The following ZBTB6 variants were observed in gnomAD, a reference collection of about 807,000 sequenced individuals.
ZBTB6 encodes the protein zinc finger and BTB domain-containing protein 6.
In ZBTB6, 11 loss-of-function variants were observed where a neutral mutation model predicts 30.6. That is an observed-to-expected ratio of 0.36 (90% CI 0.23 to 0.60). ZBTB6 has a LOEUF of 0.60. ZBTB6 is among the 20% of genes least tolerant of loss of function. ZBTB6 has a pLI of 0.75. For synonymous variants in ZBTB6, 174 were observed against 172.0 expected (o/e 1.01, Z -0.09); for missense variants, 380 against 489.4 (o/e 0.78, Z 2.11).
intron 1 of ZBTB6, among the ~76,000 whole-genome samples, chr9:122,912,755 T>G (rs187089106): frequency 1.3e-5 from 2 of 152,318 alleles, no homozygotes; most frequent in Admixed American, 1.3e-4. Flanking sequence ...TCTTTATGGC[T>G]TTATCACCTT....
In ZBTB6 at chr9:122,912,001, A is replaced by G; in HGVS notation, c.72T>C (p.Asn24=). 6.2e-7 allele frequency: 1 copy of G among 1,614,202 alleles called. No individual in the cohort carries two copies. Among genetic ancestry groups the G allele is most frequent in the Non-Finnish European group, 8.5e-7 (1 of 1,180,038 alleles). The change falls in exon 2 of 2, where the codon AAT becomes AAC. Residue 24 remains asparagine, a synonymous_variant. Transcript: ENST00000373659. ...AAAATAAATTCTGCTGTCTCAAAAG[A>G]TTCATTTTCTGCAAGACCACATCTC... ...QQGDVVLQKM[N]LLRQQNLFCD...
In ZBTB6 at chr9:122,913,247, T is replaced by C; in HGVS notation, c.-10+4A>G. 1 of 986,194 alleles carries C rather than the reference T, an allele frequency of 1.0e-6. No homozygotes were observed. Among genetic ancestry groups the C allele is most frequent in the Non-Finnish European group, 1.2e-6 (1 of 830,050 alleles). The allele number at this position is 986,194 out of a possible 1,614,324, so 61.1% of individuals were successfully genotyped here. A position where few individuals can be genotyped will look rare whatever the true frequency, so the allele number is the denominator to read the frequency against. ...CCTGAGGAATCTACTTTGCACTCAC[T>C]CACCGACTCAGAAAACTAGAGTCAA... On this transcript the variant is annotated splice_donor_region_variant and intron_variant, in intron 1 of 1. Transcript: ENST00000373659.
At position 122,911,790 on chromosome 9, in the gene ZBTB6, C is replaced by T; in HGVS notation, c.283G>A (p.Val95Ile). Residue 95 changes from valine (V) to isoleucine (I), a missense_variant, in exon 2 of 2, where the codon GTT becomes ATT. Val to Ile is a conservative substitution (Grantham distance 29). Transcript: ENST00000373659. This position sits in a 1 kb window ranked among gnomAD's most constrained non-coding sequence, Gnocchi z 4.5. ...LLSCYTGALEVKRKELLKYLT... is the reference protein window; with the variant it reads ...LLSCYTGALEIKRKELLKYLT... ...TATTTCAAAAGCTCTTTCCTTTTAA[C>T]TTCAAGTGCTCCAGTATAGCAAGAC... The T allele has an allele frequency of 6.2e-7, 1 of 1,614,196 alleles. No individual in the cohort carries two copies. The highest frequency in any genetic ancestry group is 8.5e-7 in the Non-Finnish European group (1 of 1,180,034).
rs748359295 is a variant in ZBTB6 at position 122,911,996 on chromosome 9, A to G, written c.77T>C (p.Leu26Ser). The change falls in exon 2 of 2, where the codon TTG becomes TCG. Residue 26 changes from leucine to serine, a missense_variant. Leu to Ser is a moderately radical substitution (Grantham distance 145). Transcript: ENST00000373659. This position sits in a 1 kb window ranked among gnomAD's most constrained non-coding sequence, Gnocchi z 4.5. Reference sequence around the variant, plus strand: ...ATCACAAAATAAATTCTGCTGTCTCAAAAGATTCATTTTCTGCAAGACCAC... The same window carrying G: ...ATCACAAAATAAATTCTGCTGTCTCGAAAGATTCATTTTCTGCAAGACCAC... Reference protein sequence around the residue: ...GDVVLQKMNLLRQQNLFCDVS... With the variant: ...GDVVLQKMNLSRQQNLFCDVS... The G allele has an allele frequency of 6.2e-7, 1 of 1,614,204 alleles. No individual in the cohort carries two copies. Among genetic ancestry groups the G allele is most frequent in the South Asian group, 1.1e-5 (1 of 91,084 alleles).
rs201685399 is a variant in ZBTB6 at position 122,911,433 on chromosome 9, C to G, written c.640G>C (p.Asp214His). 15 of 1,614,034 alleles carry G rather than the reference C, an allele frequency of 9.3e-6. No homozygotes were observed. In the African/African-American group the frequency reaches 1.9e-4, roughly 20 times the overall value. ...ACATGAAGGATACAAATTTCATTGT[C>G]TTTAAAACCTATGTCTACTGTAGAC... ...ELSTVDIGFKDNEICILHVES... is the reference protein window; with the variant it reads ...ELSTVDIGFKHNEICILHVES... Residue 214 changes from aspartate (D) to histidine (H), a missense_variant, in exon 2 of 2, where the codon GAC becomes CAC. Asp to His is a moderately conservative substitution (Grantham distance 81). Coordinates refer to ENST00000373659, the MANE Select transcript of ZBTB6 (RefSeq NM_006626.6). This position sits in a 1 kb window ranked among gnomAD's most constrained non-coding sequence, Gnocchi z 4.5.
Position 122,910,966 on chromosome 9 carries a change from A to C in ZBTB6, c.1107T>G (p.Leu369=), listed in dbSNP as rs1412927299. Reference sequence around the variant, plus strand: ...CACTGTGTATGTTCAAGTGGTCCTGAAGTGTGCTTTTGGCAGTAAATGTCT... The same window carrying C: ...CACTGTGTATGTTCAAGTGGTCCTGCAGTGTGCTTTTGGCAGTAAATGTCT... ...CLKTFTAKST[L]QDHLNIHSGD... The change falls in exon 2 of 2, where the codon CTT becomes CTG. Residue 369 remains leucine, a synonymous_variant. Coordinates refer to ENST00000373659, the MANE Select transcript of ZBTB6 (RefSeq NM_006626.6). 1 of 1,614,228 alleles carries C rather than the reference A, an allele frequency of 6.2e-7. No individual in the cohort carries two copies. Among genetic ancestry groups the C allele is most frequent in the South Asian group, 1.1e-5 (1 of 91,082 alleles).
chr9:122,912,205 T>C lies in ZBTB6; in HGVS notation c.-9-124A>G, dbSNP rs1832960254. On this transcript the variant is annotated intron_variant, in intron 1 of 1. Transcript: ENST00000373659. ...AGGAAGAAGAAGACTCAAAGTCTAATGTAGGTGTTATGAACCTTTATGCCA... is the reference window on the plus strand; with the variant it reads ...AGGAAGAAGAAGACTCAAAGTCTAACGTAGGTGTTATGAACCTTTATGCCA... 5 of 980,616 alleles carry C rather than the reference T, an allele frequency of 5.1e-6. No homozygotes were observed. The South Asian group carries it at 8.5e-5, about 17-fold the overall frequency. The allele number at this position is 980,616 out of a possible 1,614,324, so 60.7% of individuals were successfully genotyped here.
rs1564331798 is a variant in ZBTB6, at chr9:122,911,359, AGGC to A, written c.711_713del (p.Gln237_Pro238delinsHis). Reference sequence around the variant, plus strand: ...ACATGCTTGCTTTTGAAGAGGTACAAGGCTGTGAAAACTGCCCATTTTCGACAC... The same window carrying A: ...ACATGCTTGCTTTTGAAGAGGTACAATGTGAAAACTGCCCATTTTCGACAC... On this transcript the variant is annotated inframe_deletion, in exon 2 of 2. Coordinates refer to ENST00000373659, the MANE Select transcript of ZBTB6 (RefSeq NM_006626.6). This position sits in a 1 kb window ranked among gnomAD's most constrained non-coding sequence, Gnocchi z 4.5. 6.2e-7 allele frequency: 1 copy of A among 1,614,160 alleles called. No homozygotes were observed. Among genetic ancestry groups the A allele is most frequent in the Admixed American group, 1.7e-5 (1 of 60,030 alleles).
intron 1 of ZBTB6, among the ~76,000 whole-genome samples, chr9:122,912,716 G>A (rs2239540): frequency 0.21 from 31,176 of 151,926 alleles, 4,463 homozygotes; most frequent in East Asian, 0.65. Flanking sequence ...GAAAGAATAC[G>A]AGACCCATCA....
intron 1 of ZBTB6, among the ~76,000 whole-genome samples, chr9:122,912,585 AT>A (rs1221344829): frequency 6.6e-6 from 1 of 152,150 alleles, no homozygotes; most frequent in East Asian, 1.9e-4. Context: ...TGTATGCCAG[AT>A]TACCCGCCTG....
In ZBTB6 at chr9:122,908,962, T is replaced by C. The variant is rs891127365; in HGVS notation, c.*1836A>G. 2.0e-5 allele frequency: 3 copies of C among 152,190 alleles called. No homozygotes were observed. Among genetic ancestry groups the C allele is most frequent in the African/African-American group, 7.2e-5 (3 of 41,464 alleles). The allele number at this position is 152,190 out of a possible 1,614,324, so 9.4% of individuals were successfully genotyped here. ...TTAGACCTGGAAATGATCTTTCAAA[T>C]GACCAAGATCAAAGTTATTTTACAT... is the stretch of plus-strand genomic sequence containing the variant. On this transcript the variant is annotated 3_prime_UTR_variant, in exon 2 of 2. Transcript: ENST00000373659.
Position 122,908,529 on chromosome 9 carries a change from C to G in ZBTB6, c.*2269G>C, listed in dbSNP as rs887288678. On this transcript the variant is annotated 3_prime_UTR_variant, in exon 2 of 2. Transcript: ENST00000373659. ...CATAAAACTTAAACATAGTTTCAAC[C>G]AATTTTTTTTCAAATATCCAAGATA... is the stretch of plus-strand genomic sequence containing the variant. 2 of 152,464 alleles carry G rather than the reference C, an allele frequency of 1.3e-5. No individual in the cohort carries two copies. The highest frequency in any genetic ancestry group is 4.8e-5 in the African/African-American group (2 of 41,382). The allele number at this position is 152,464 out of a possible 1,614,324, so 9.4% of individuals were successfully genotyped here. A position where few individuals can be genotyped will look rare whatever the true frequency, so the allele number is the denominator to read the frequency against.
Position 122,911,119 on chromosome 9 carries a change from G to T in ZBTB6, c.954C>A (p.Arg318=). Residue 318 remains arginine, a synonymous_variant, in exon 2 of 2, where the codon CGC becomes CGA. Coordinates refer to ENST00000373659, the MANE Select transcript of ZBTB6 (RefSeq NM_006626.6). This position sits in a 1 kb window ranked among gnomAD's most constrained non-coding sequence, Gnocchi z 4.5. The part of the protein sequence containing the change: ...RGFLHVENYL[R]HLKMHKLFLC... Reference sequence around the variant, plus strand: ...AGAATAGTTTATGCATTTTAAGGTGGCGCAGATAGTTTTCAACATGAAGAA... The same window carrying T: ...AGAATAGTTTATGCATTTTAAGGTGTCGCAGATAGTTTTCAACATGAAGAA... The T allele has an allele frequency of 6.2e-7, 1 of 1,614,164 alleles. No individual in the cohort carries two copies. The highest frequency in any genetic ancestry group is 8.5e-7 in the Non-Finnish European group (1 of 1,180,040).
At position 122,908,824 on chromosome 9, in the gene ZBTB6, T is replaced by G. The variant is rs935942754; in HGVS notation, c.*1974A>C. The G allele has an allele frequency of 2.0e-5, 3 of 152,078 alleles. No individual in the cohort carries two copies. The highest frequency in any genetic ancestry group is 4.4e-5 in the Non-Finnish European group (3 of 68,008). 9.4% of individuals were successfully genotyped at this position (152,078 alleles called of 1,614,324 possible). On this transcript the variant is annotated 3_prime_UTR_variant, in exon 2 of 2. Coordinates refer to ENST00000373659, the MANE Select transcript of ZBTB6 (RefSeq NM_006626.6). ...GAAAAAGATCCACTAATTAGAAAAA[T>G]TATGTCTCCAATGGAGTACTTAAGT...
rs367989848 is a variant in ZBTB6 at position 122,912,120 on chromosome 9, T to C, written c.-9-39A>G. On this transcript the variant is annotated intron_variant, in intron 1 of 1. Transcript: ENST00000373659. ...AACACAAACATTGATGTAATAAGGA[T>C]AGGGAATGCTTTCCCATGCTGTAAT... 50 of 1,547,472 alleles carry C rather than the reference T, an allele frequency of 3.2e-5. No homozygotes were observed. The South Asian group carries it at 5.8e-4, about 18-fold the overall frequency.
rs745331836 is a variant in ZBTB6 at position 122,910,943 on chromosome 9, C to A, written c.1130G>T (p.Ser377Ile). Residue 377 changes from serine to isoleucine, a missense_variant, in exon 2 of 2, where the codon AGT (serine) becomes ATT (isoleucine). By Grantham distance (142) the Ser-to-Ile change is moderately radical. Transcript: ENST00000373659. ...STLQDHLNIH[S>I]GDRPYKCHCC... is the part of the protein sequence containing the mutation. ...GTGGCATTTGTATGGCCGATCCCCA[C>A]TGTGTATGTTCAAGTGGTCCTGAAG... 6.2e-7 allele frequency: 1 copy of A among 1,614,164 alleles called. No homozygotes were observed.
chr9:122,913,309 G>A lies in ZBTB6; in HGVS notation c.-68C>T. The A allele has an allele frequency of 1.0e-6, 1 of 985,956 alleles. No homozygotes were observed. Among genetic ancestry groups the A allele is most frequent in the Non-Finnish European group, 1.2e-6 (1 of 830,002 alleles). 61.1% of individuals were successfully genotyped at this position (985,956 alleles called of 1,614,324 possible). ...CAGCGTCTGCCCAAGCCGGAAGATGGACTTAGCCTGGAAGAAAACACATCC... is the reference window on the plus strand; with the variant it reads ...CAGCGTCTGCCCAAGCCGGAAGATGAACTTAGCCTGGAAGAAAACACATCC... On this transcript the variant is annotated 5_prime_UTR_variant, in exon 1 of 2. Coordinates refer to ENST00000373659, the MANE Select transcript of ZBTB6 (RefSeq NM_006626.6).
Position 122,910,758 on chromosome 9 carries a change from A to G in ZBTB6, c.*40T>C. 2.6e-6 allele frequency: 4 copies of G among 1,520,236 alleles called. No homozygotes were observed. The highest frequency in any genetic ancestry group is 3.6e-6 in the Non-Finnish European group (4 of 1,122,342). The allele number at this position is 1,520,236 out of a possible 1,614,324, so 94.2% of individuals were successfully genotyped here. On this transcript the variant is annotated 3_prime_UTR_variant, in exon 2 of 2. Coordinates refer to ENST00000373659, the MANE Select transcript of ZBTB6 (RefSeq NM_006626.6). ...ATCTCTACAGAAAGACTTGCGTAAT[A>G]GAATAATACAAACTTTATATAACAA... is the stretch of plus-strand genomic sequence containing the variant.
In ZBTB6 at chr9:122,911,830, GC is replaced by G. The variant is rs767938520; in HGVS notation, c.242del (p.Gly81AlafsTer21). ...RITILQSAEVGRKLLLSCYTG... is the reference protein window; with the variant it reads ...RITILQSAEVXRKLLLSCYTG... ...TATAGCAAGACAGTAACAATTTTCT[GC>G]CAACTTCTGCACTCTGTAAGATGGT... On this transcript the variant is annotated frameshift_variant, in exon 2 of 2. Coordinates refer to ENST00000373659, the MANE Select transcript of ZBTB6 (RefSeq NM_006626.6). LOFTEE classifies it high-confidence loss of function. The surrounding 1 kb of genome is among the most constrained non-coding windows in gnomAD (Gnocchi z 4.5). 5.8e-5 allele frequency: 94 copies of G among 1,614,166 alleles called. No homozygotes were observed. The highest frequency in any genetic ancestry group is 9.9e-5 in the South Asian group (9 of 91,084).
Sources: allele counts gnomAD v4.1 joint callset (sites outside exome capture counted in the v4.1 genomes callset), GRCh38; gene constraint gnomAD v4.1.1; non-coding constraint Gnocchi (gnomAD v3.1); transcripts MANE v1.5; gene names NCBI Gene and HGNC (gene_info 2026-07-23, HGNC 2026-07-21).